DLG2: variants seen among roughly 807,000 people sequenced by gnomAD.
DLG2 encodes the protein discs large MAGUK scaffold protein 2.
A neutral mutation model predicts 132.5 loss-of-function variants in DLG2; 45 were observed. The observed-to-expected ratio is 0.34, with a 90% CI of 0.27 to 0.44. The LOEUF is 0.44. Among genes scored for constraint, DLG2 ranks in the 20% least tolerant of loss-of-function variants. The pLI is 1.00. For missense variants in DLG2, 1,045 were observed against 1,196.9 expected (o/e 0.87, Z 1.87); for synonymous variants, 424 against 419.6 (o/e 1.01, Z -0.13).
At chr11:84,919,847 A>G (rs2092675254) in intron 6 of DLG2, among the ~76,000 whole-genome samples, 1 of 152,204 alleles carries the variant, frequency 6.6e-6, no homozygotes, top group Admixed American at 6.5e-5. Context: ...TTTTCCTATA[A>G]TATAGACAAT....
intron 10 of DLG2, among the ~76,000 whole-genome samples, chr11:84,096,564 G>T (rs2097168427): frequency 6.6e-6 from 1 of 152,048 alleles, no homozygotes; most frequent in Admixed American, 6.6e-5. Flanking sequence ...TGGTTAAAGG[G>T]TGGAGGTTCT....
chr11:85,481,433 C>T (rs571666882), intron 3 of DLG2, among the ~76,000 whole-genome samples: 1 of 152,288 alleles, frequency 6.6e-6, no homozygotes, highest in Admixed American at 6.5e-5. Flanking sequence ...AATAAGAAAA[C>T]ATGCATGGAA....
intron 6 of DLG2, among the ~76,000 whole-genome samples, chr11:85,075,003 G>T (rs1593696334): frequency 6.6e-6 from 1 of 151,826 alleles, no homozygotes; most frequent in African/African-American, 2.4e-5. Flanking sequence ...TAAAAGGGGA[G>T]GCAGGCAATC....
intron 6 of DLG2, among the ~76,000 whole-genome samples, chr11:84,901,901 A>T (rs556666678): frequency 2.6e-5 from 4 of 151,932 alleles, no homozygotes; most frequent in Non-Finnish European, 4.4e-5. Flanking sequence ...TTAAGGGGGG[A>T]AAAAAAGGAA....
intron 6 of DLG2, among the ~76,000 whole-genome samples, chr11:84,673,259 A>T (rs1158359631): frequency 6.6e-6 from 1 of 152,130 alleles, no homozygotes; most frequent in East Asian, 1.9e-4. Flanking sequence ...TGTATTTTAC[A>T]TAAGAGAGAA....
chr11:85,432,215 G>T (rs1257853106), intron 3 of DLG2, among the ~76,000 whole-genome samples: 1 of 152,168 alleles, frequency 6.6e-6, no homozygotes, highest in Non-Finnish European at 1.5e-5. Context: ...ATGAAGATGA[G>T]AAAGAATCAA....
intron 7 of DLG2, among the ~76,000 whole-genome samples, chr11:84,386,013 C>T (rs1015558306): frequency 1.3e-5 from 2 of 152,122 alleles, no homozygotes; most frequent in East Asian, 1.9e-4. Flanking sequence ...AGGTAATAAG[C>T]GAAGGACTCA....
intron 6 of DLG2, among the ~76,000 whole-genome samples, chr11:84,934,520 G>GTTTTTT (rs1277703004): frequency 7.7e-5 from 3 of 39,136 alleles, no homozygotes; most frequent in African/African-American, 3.3e-4. Context: ...TTTTTGTTTT[G>GTTTTTT]TTTTGTTTTT....
intron 3 of DLG2, among the ~76,000 whole-genome samples, chr11:85,335,315 A>G (rs963289979): frequency 6.6e-6 from 1 of 151,858 alleles, no homozygotes; most frequent in Non-Finnish European, 1.5e-5. Flanking sequence ...GTGTCACTGC[A>G]TGTGAGACGG....
chr11:85,113,335 A>T (rs188220991), intron 5 of DLG2, among the ~76,000 whole-genome samples: 2 of 152,176 alleles, frequency 1.3e-5, no homozygotes, highest in East Asian at 3.9e-4. Context: ...GGAAGCTACT[A>T]ATGAGAACAC....
intron 6 of DLG2, among the ~76,000 whole-genome samples, chr11:85,094,229 C>A (rs901601092): frequency 3.3e-5 from 5 of 152,186 alleles, no homozygotes; most frequent in African/African-American, 9.6e-5. Flanking sequence ...GTAGATTTAG[C>A]ATAATTCTTA....
intron 7 of DLG2, among the ~76,000 whole-genome samples, chr11:84,398,174 C>G (rs2098817193): frequency 6.6e-6 from 1 of 152,120 alleles, no homozygotes; most frequent in Admixed American, 6.5e-5. Context: ...ATTCGAAAAA[C>G]AAATATGATT....
At chr11:84,098,094 G>A (rs2097192018) in intron 10 of DLG2, among the ~76,000 whole-genome samples, 2 of 145,618 alleles carry the variant, frequency 1.4e-5, no homozygotes, top group South Asian at 4.4e-4. Flanking sequence ...TGTCACCCAG[G>A]CGGGAGTGCA....
chr11:85,399,009 A>G (rs1252389964), intron 3 of DLG2, among the ~76,000 whole-genome samples: 1 of 152,208 alleles, frequency 6.6e-6, no homozygotes, highest in Non-Finnish European at 1.5e-5. Context: ...TGCAGACCAC[A>G]TGATTGTATA....
At chr11:85,459,564 T>G (rs1488453392) in intron 3 of DLG2, among the ~76,000 whole-genome samples, 1 of 152,086 alleles carries the variant, frequency 6.6e-6, no homozygotes, top group Non-Finnish European at 1.5e-5. Context: ...GTGGCTATTA[T>G]GTGGTGCAAA....
At chr11:84,799,353 C>G (rs1382199337) in intron 6 of DLG2, among the ~76,000 whole-genome samples, 5 of 152,168 alleles carry the variant, frequency 3.3e-5, no homozygotes, top group African/African-American at 4.8e-5. Context: ...TCTTCCTCCC[C>G]CAAGTGCACA....
chr11:84,565,412 A>C (rs1305651657), intron 6 of DLG2, among the ~76,000 whole-genome samples: 2 of 152,170 alleles, frequency 1.3e-5, no homozygotes. Context: ...TAGGTACAAC[A>C]ATTTCCACCT....
chr11:84,166,633 T>G (rs1358237592), intron 8 of DLG2, among the ~76,000 whole-genome samples: 1 of 152,170 alleles, frequency 6.6e-6, no homozygotes, highest in African/African-American at 2.4e-5. Flanking sequence ...ATTTAAATAC[T>G]TATTTCGACT....
chr11:84,043,089 T>C (rs949016469), intron 11 of DLG2, among the ~76,000 whole-genome samples: 1 of 151,688 alleles, frequency 6.6e-6, no homozygotes, highest in Admixed American at 6.6e-5. Flanking sequence ...ATCTTATTTA[T>C]TGCCTAAATA....
Sources: gnomAD v4.1 joint callset for allele counts (sites outside exome capture counted in the v4.1 genomes callset) on GRCh38, gnomAD v4.1.1 for gene constraint, MANE v1.5 for transcripts, NCBI Gene and HGNC (gene_info 2026-07-23, HGNC 2026-07-21) for gene names.